The following BRD9 variants were observed in gnomAD, a reference collection of about 807,000 sequenced individuals.
BRD9 encodes the protein bromodomain-containing protein 9.
BRD9 carries 47 observed loss-of-function variants against 68.7 expected under a neutral mutation model. The observed-to-expected ratio is 0.68, with a 90% confidence interval of 0.54 to 0.87. BRD9 has a LOEUF of 0.87. Ranked by LOEUF, BRD9 falls within the 40% of genes least tolerant of loss-of-function variation. The probability of loss-of-function intolerance (pLI) is 0.00; values close to 1 mark genes in which losing one functional copy is unlikely to be tolerated. For synonymous variants in BRD9, 313 were observed against 293.9 expected (o/e 1.06, Z -0.67); for missense variants, 670 against 748.4 (o/e 0.90, Z 1.22).
intron 15 of BRD9, 83 bp from the exon 16 acceptor site, chr5:864,651 C>T: frequency 8.1e-7 from 1 of 1,237,666 alleles, no homozygotes; most frequent in Admixed American, 2.0e-5. Flanking sequence ...AGGTCTGCTT[C>T]CTGACCTACC....
intron 12 of BRD9, among the ~76,000 whole-genome samples, chr5:871,841 C>T (rs1348908626): frequency 3.3e-5 from 5 of 152,154 alleles, no homozygotes; most frequent in Admixed American, 1.3e-4. Context: ...GAGAGGACGC[C>T]GATGCTGTTT....
chr5:888,815 A>C (rs1752938165), intron 5 of BRD9, among the ~76,000 whole-genome samples: 1 of 152,246 alleles, frequency 6.6e-6, no homozygotes, highest in Non-Finnish European at 1.5e-5. Context: ...ACAGCGTGCA[A>C]CCTGACCTAG....
rs900303145 is a variant in BRD9, at chr5:864,154, G to C, written c.*314C>G. On this transcript the variant is annotated 3_prime_UTR_variant, in exon 16 of 16. Coordinates refer to ENST00000467963, the MANE Select transcript of BRD9 (RefSeq NM_023924.5). ...CAGGGTTCACGGGGCTGTGTACAGA[G>C]ACTCTCTCTGCTGACACGATGGCCA... 3 of 217,890 alleles carry C rather than the reference G, an allele frequency of 1.4e-5. No individual in the cohort carries two copies. Among genetic ancestry groups the C allele is most frequent in the South Asian group, 1.4e-4 (2 of 14,562 alleles). The allele number at this position is 217,890 out of a possible 1,614,324, so 13.5% of individuals were successfully genotyped here.
intron 2 of BRD9, 46 bp downstream of exon 2, chr5:891,594 G>A (rs758758901): frequency 1.3e-5 from 20 of 1,538,586 alleles, no homozygotes; most frequent in South Asian, 9.7e-5. Flanking sequence ...GGCTCCCCAC[G>A]GGCTCCTCGT....
chr5:873,703 C>G (rs1750485200), intron 12 of BRD9, among the ~76,000 whole-genome samples: 1 of 152,190 alleles, frequency 6.6e-6, no homozygotes, highest in African/African-American at 2.4e-5. Context: ...TATGACAAAA[C>G]CTCGGCATGG....
chr5:883,164 G>A (rs970180403), intron 8 of BRD9: 2 of 370,706 alleles, frequency 5.4e-6, no homozygotes, highest in Admixed American at 3.5e-5. Context: ...GCAGGCACAG[G>A]CAAAAAGCAG....
chr5:882,049 T>G (rs759103221), intron 8 of BRD9: 1 of 152,658 alleles, frequency 6.6e-6, no homozygotes, highest in Non-Finnish European at 1.5e-5. Context: ...TCCATGTATG[T>G]GGTGCAGACA....
At chr5:876,457 GCCTAGAAACACA>G (rs1271096261) in intron 11 of BRD9, among the ~76,000 whole-genome samples, 1 of 152,160 alleles carries the variant, frequency 6.6e-6, no homozygotes, top group Non-Finnish European at 1.5e-5. Flanking sequence ...CATGCACACA[GCCTAGAAACACA>G]CGTGTGCTAT....
At chr5:892,501 G>A in intron 1 of BRD9, 105 bp downstream of exon 1, 2 of 1,476,678 alleles carry the variant, frequency 1.4e-6, no homozygotes, top group East Asian at 2.6e-5. Context: ...CTCCCTCGTG[G>A]CCAGGACCTC....
At chr5:892,536 GCGTGCCCGGAACTCCTCCCC>G in intron 1 of BRD9, 50 bp downstream of exon 1, 2 of 1,512,932 alleles carry the variant, frequency 1.3e-6, no homozygotes, top group South Asian at 1.2e-5. Context: ...ACCCCCGTCC[GCGTGCCCGGAACTCCTCCCC>G]CGTGCCCGGG....
intron 5 of BRD9, among the ~76,000 whole-genome samples, chr5:887,829 G>A (rs73733980): frequency 0.038 from 5,728 of 152,282 alleles, 342 homozygotes; most frequent in African/African-American, 0.13. Flanking sequence ...GTCAAGGGAT[G>A]AAGGCAGGCG....
Position 878,470 on chromosome 5 carries a change from C to T in BRD9, c.1156G>A (p.Ala386Thr), listed in dbSNP as rs775929609. 2 of 1,614,228 alleles carry T rather than the reference C, an allele frequency of 1.2e-6. No homozygotes were observed. The highest frequency in any genetic ancestry group is 1.7e-6 in the Non-Finnish European group (2 of 1,180,060). The change falls in exon 11 of 16, where the codon GCC (alanine) becomes ACC (threonine). Residue 386 changes from alanine (A) to threonine (T), a missense_variant. Transcript: ENST00000467963. ...RRNKVTFLSS[A>T]TTALSMQNNS... ...TTCTGCATCGAAAGCGCAGTAGTGG[C>T]ACTGGAGAGAAAGGTGACTGGGAGG... is the stretch of plus-strand genomic sequence containing the variant.
At chr5:892,369 TG>T in intron 1 of BRD9, 1 of 938,766 alleles carries the variant, frequency 1.1e-6, no homozygotes, top group Non-Finnish European at 1.5e-6. Context: ...CCGGGGTGAG[TG>T]GGCTTGCAGC....
At position 888,986 on chromosome 5, in the gene BRD9, T is replaced by C. The variant is rs377507133; in HGVS notation, c.606+35A>G. The C allele has an allele frequency of 5.7e-5, 91 of 1,595,136 alleles. No homozygotes were observed. The South Asian group carries it at 9.3e-4, about 16-fold the overall frequency. ...CACAAGACATGAATACACAGAACTATGCCACGATTACTTCGGGCAATGAAA... is the reference window on the plus strand; with the variant it reads ...CACAAGACATGAATACACAGAACTACGCCACGATTACTTCGGGCAATGAAA... On this transcript the variant is annotated intron_variant, in intron 5 of 15. Transcript: ENST00000467963.
intron 8 of BRD9, 70 bp from the exon 9 acceptor site, chr5:881,252 A>G: frequency 1.2e-5 from 18 of 1,451,548 alleles, no homozygotes; most frequent in Non-Finnish European, 1.7e-5. Flanking sequence ...AATGAAGACC[A>G]ACAAGCAGGG....
intron 11 of BRD9, among the ~76,000 whole-genome samples, chr5:878,139 C>T (rs1751244354): frequency 6.6e-6 from 1 of 152,208 alleles, no homozygotes; most frequent in Non-Finnish European, 1.5e-5. Flanking sequence ...AAGCTACGCC[C>T]TGATCACCAC....
chr5:865,171 G>A (rs1749180328), intron 15 of BRD9, among the ~76,000 whole-genome samples: 1 of 152,242 alleles, frequency 6.6e-6, no homozygotes, highest in South Asian at 2.1e-4. Flanking sequence ...ACAGAACTGG[G>A]GACGGTATCT....
intron 3 of BRD9, chr5:889,896 G>T: frequency 1.7e-6 from 1 of 593,822 alleles, no homozygotes; most frequent in Non-Finnish European, 2.8e-6. Context: ...TCAACAATAT[G>T]TGGTGATCAC....
intron 14 of BRD9, among the ~76,000 whole-genome samples, chr5:868,167 A>G (rs989775325): frequency 2.6e-5 from 4 of 152,150 alleles, no homozygotes; most frequent in Non-Finnish European, 1.5e-5. Flanking sequence ...CCATGTGAAG[A>G]CATGCATGTT....
Sources: allele counts gnomAD v4.1 joint callset (sites outside exome capture counted in the v4.1 genomes callset), GRCh38; gene constraint gnomAD v4.1.1; transcripts MANE v1.5; gene names NCBI Gene and HGNC (gene_info 2026-07-23, HGNC 2026-07-21).